Variants in SOAT1 observed in about 807,000 individuals in gnomAD.
The protein encoded by SOAT1 is sterol O-acyltransferase 1.
SOAT1 carries 55 observed loss-of-function variants against 69.5 expected under a neutral mutation model. That is an observed-to-expected ratio of 0.79 (90% confidence interval 0.64 to 0.99). The LOEUF is 0.99. Ranked by LOEUF, SOAT1 falls within the 50% of genes least tolerant of loss-of-function variation. The pLI is 0.00. For missense variants in SOAT1, 580 were observed against 669.3 expected (o/e 0.87, Z 1.47); for synonymous variants, 231 against 224.7 (o/e 1.03, Z -0.25).
intron 15 of SOAT1, among the ~76,000 whole-genome samples, chr1:179,353,216 T>TATATTTATATATATAA (rs1666802532): frequency 8.5e-6 from 1 of 117,766 alleles, no homozygotes; most frequent in African/African-American, 3.2e-5. Flanking sequence ...TAAATATATA[T>TATATTTATATATATAA]ATATATATCT....
intron 2 of SOAT1, among the ~76,000 whole-genome samples, chr1:179,315,111 T>A (rs1029163791): frequency 1.3e-5 from 2 of 152,170 alleles, no homozygotes; most frequent in African/African-American, 4.8e-5. Context: ...TTTTAGAAAT[T>A]GAGAAGCCTT....
intron 3 of SOAT1, among the ~76,000 whole-genome samples, chr1:179,331,679 G>T (rs1665979777): frequency 6.6e-6 from 1 of 152,200 alleles, no homozygotes; most frequent in Admixed American, 6.5e-5. Context: ...TGAATATATA[G>T]AATTTCAAGT....
Position 179,325,725 on chromosome 1 carries a change from C to T in SOAT1, c.177+2230C>T, listed in dbSNP as rs555403471. ...AACCTTTCCCATACAGAATCACAAACCCAAAGGCGAAAGGGAGTTTGGGGT... is the reference window on the plus strand; with the variant it reads ...AACCTTTCCCATACAGAATCACAAATCCAAAGGCGAAAGGGAGTTTGGGGT... On this transcript the variant is annotated intron_variant, in intron 3 of 15. Coordinates refer to ENST00000367619, the MANE Select transcript of SOAT1 (RefSeq NM_003101.6). 4.6e-5 allele frequency among the ~76,000 whole-genome samples: 7 copies of T among 152,090 alleles called. No individual in the cohort carries two copies. In the South Asian group the frequency reaches 1.5e-3, roughly 32 times the overall value.
At chr1:179,301,744 G>A (rs1664837077) in intron 1 of SOAT1, among the ~76,000 whole-genome samples, 1 of 152,188 alleles carries the variant, frequency 6.6e-6, no homozygotes, top group Admixed American at 6.6e-5. Flanking sequence ...CTTGCACTTA[G>A]TAGATACTTA....
At chr1:179,329,945 G>A (rs547774362) in intron 3 of SOAT1, among the ~76,000 whole-genome samples, 1 of 152,230 alleles carries the variant, frequency 6.6e-6, no homozygotes, top group East Asian at 1.9e-4. Context: ...GCTGATACTG[G>A]CTCCATGGTC....
chr1:179,319,459 G>A (rs977454007), intron 2 of SOAT1, among the ~76,000 whole-genome samples: 7 of 151,578 alleles, frequency 4.6e-5, no homozygotes, highest in African/African-American at 1.7e-4. Flanking sequence ...TAGTAGAGAC[G>A]GGGTTTCTCC....
At chr1:179,309,624 A>T (rs572576070) in intron 2 of SOAT1, among the ~76,000 whole-genome samples, 1 of 115,220 alleles carries the variant, frequency 8.7e-6, no homozygotes, top group South Asian at 3.3e-4. Context: ...AAATTGTTTC[A>T]TATTTATTGA....
chr1:179,339,187 T>C (rs761060969), intron 5 of SOAT1, among the ~76,000 whole-genome samples: 6 of 152,132 alleles, frequency 3.9e-5, no homozygotes, highest in Non-Finnish European at 1.5e-5. Context: ...AGAATATGAA[T>C]AGGATTAAAA....
chr1:179,321,964 C>A (rs375647219), intron 2 of SOAT1, among the ~76,000 whole-genome samples: 2 of 151,914 alleles, frequency 1.3e-5, no homozygotes, highest in South Asian at 4.2e-4. Flanking sequence ...TCACTGCAGG[C>A]TCAAATTCTT....
At chr1:179,337,491 A>G (rs187938904) in intron 4 of SOAT1, among the ~76,000 whole-genome samples, 1 of 150,310 alleles carries the variant, frequency 6.7e-6, no homozygotes, top group East Asian at 1.9e-4. Context: ...AGTGATTGCC[A>G]AAGTCCATAG....
At chr1:179,307,046 G>A (rs1333271815) in intron 2 of SOAT1, among the ~76,000 whole-genome samples, 1 of 152,156 alleles carries the variant, frequency 6.6e-6, no homozygotes, top group Non-Finnish European at 1.5e-5. Context: ...ATGTTTTCTG[G>A]ATTTAGAAAG....
intron 10 of SOAT1, among the ~76,000 whole-genome samples, chr1:179,343,949 C>T (rs993463336): frequency 6.6e-6 from 1 of 152,016 alleles, no homozygotes; most frequent in African/African-American, 2.4e-5. Context: ...GGTGAAACCC[C>T]ATCTCTACTA....
intron 1 of SOAT1, among the ~76,000 whole-genome samples, chr1:179,302,042 AC>A (rs1664847906): frequency 3.2e-5 from 4 of 124,804 alleles, no homozygotes; most frequent in Non-Finnish European, 6.7e-5. Context: ...TTTTTTTTTT[AC>A]ATACTTAATG....
At chr1:179,323,566 A>G (rs1226017835) in intron 3 of SOAT1, 71 bp downstream of exon 3, 2 of 1,228,392 alleles carry the variant, frequency 1.6e-6, no homozygotes, top group African/African-American at 1.5e-5. Flanking sequence ...AACATTTTTA[A>G]TGCTAAATTG....
chr1:179,351,017 C>CTTT (rs1558060562), intron 14 of SOAT1, among the ~76,000 whole-genome samples: 5 of 13,952 alleles, frequency 3.6e-4, no homozygotes, highest in African/African-American at 1.2e-3. Context: ...CTGTATATTT[C>CTTT]TTTCTTTTTT....
intron 5 of SOAT1, among the ~76,000 whole-genome samples, chr1:179,338,971 TTATTGTTATA>T (rs1203476878): frequency 1.3e-5 from 2 of 152,152 alleles, no homozygotes; most frequent in East Asian, 3.8e-4. Flanking sequence ...GTCATCTATA[TTATTGTTATA>T]TTCTAAAAGA....
intron 2 of SOAT1, among the ~76,000 whole-genome samples, chr1:179,318,783 T>C (rs1326984049): frequency 6.6e-6 from 1 of 152,246 alleles, no homozygotes; most frequent in Non-Finnish European, 1.5e-5. Flanking sequence ...TATTATAGCA[T>C]GTATTAATAT....
chr1:179,347,247 A>G (rs775648799), intron 11 of SOAT1, among the ~76,000 whole-genome samples: 2 of 151,228 alleles, frequency 1.3e-5, no homozygotes, highest in African/African-American at 4.9e-5. Flanking sequence ...AGTTCCAGCT[A>G]CTTGGGAGGC....
At position 179,299,970 on chromosome 1, in the gene SOAT1, C is replaced by T. The variant is rs548736094; in HGVS notation, c.-8-2707C>T. ...TAGAGATGGGGTTTCACTGTATTAG[C>T]CAGGATGGTCTTGATCTCCTGACTT... On this transcript the variant is annotated intron_variant, in intron 1 of 15. Coordinates refer to ENST00000367619, the MANE Select transcript of SOAT1 (RefSeq NM_003101.6). 2.0e-5 allele frequency among the ~76,000 whole-genome samples: 3 copies of T among 150,416 alleles called. No homozygotes were observed. In the South Asian group the frequency reaches 6.3e-4, roughly 32 times the overall value.
Sources: allele counts gnomAD v4.1 joint callset (sites outside exome capture counted in the v4.1 genomes callset), GRCh38; gene constraint gnomAD v4.1.1; transcripts MANE v1.5; gene names NCBI Gene and HGNC (gene_info 2026-07-23, HGNC 2026-07-21).